The following CPA6 variants were observed in gnomAD, a reference collection of about 807,000 sequenced individuals.
CPA6 encodes the protein carboxypeptidase B.
In CPA6, 58 loss-of-function variants were observed where a neutral mutation model predicts 63.3. The ratio of observed to expected loss-of-function variants is 0.92; its 90% confidence interval spans 0.74 to 1.14. The LOEUF is 1.14. Among genes scored for constraint, CPA6 ranks in the 50% most tolerant of loss-of-function variants. CPA6 has a pLI of 0.00. For synonymous variants in CPA6, 185 were observed against 179.0 expected (o/e 1.03, Z -0.27); for missense variants, 565 against 526.6 (o/e 1.07, Z -0.71).
chr8:67,496,519 T>TTATATATATATA (rs1163959938), intron 6 of CPA6, among the ~76,000 whole-genome samples: 17 of 94,116 alleles, frequency 1.8e-4, no homozygotes, highest in South Asian at 7.4e-4. Flanking sequence ...ACTATATAGT[T>TTATATATATATA]TATATATATA....
intron 2 of CPA6, among the ~76,000 whole-genome samples, chr8:67,541,529 C>T (rs1034556877): frequency 2.6e-5 from 4 of 152,100 alleles, no homozygotes; most frequent in African/African-American, 9.7e-5. Context: ...CCCCTGCTTG[C>T]TCAATCGATC....
intron 1 of CPA6, among the ~76,000 whole-genome samples, chr8:67,667,545 G>C (rs1816257157): frequency 6.6e-6 from 1 of 152,068 alleles, no homozygotes; most frequent in Non-Finnish European, 1.5e-5. Flanking sequence ...TTAAAGCTTA[G>C]AGGACTTTGG....
At chr8:67,611,800 G>A (rs1814813155) in intron 2 of CPA6, among the ~76,000 whole-genome samples, 1 of 152,096 alleles carries the variant, frequency 6.6e-6, no homozygotes, top group Admixed American at 6.5e-5. Flanking sequence ...CAAAGCAAGA[G>A]GCCAGCCCTA....
intron 1 of CPA6, among the ~76,000 whole-genome samples, chr8:67,643,006 G>A (rs1387540174): frequency 3.3e-5 from 5 of 151,946 alleles, no homozygotes; most frequent in Non-Finnish European, 1.5e-5. Context: ...ATTCCATAAA[G>A]TCAAAAGGCA....
chr8:67,717,822 A>G (rs1167508480), intron 1 of CPA6, among the ~76,000 whole-genome samples: 1 of 152,180 alleles, frequency 6.6e-6, no homozygotes, highest in South Asian at 2.1e-4. Flanking sequence ...GGGCAATAGG[A>G]CCATGGAGGA....
At chr8:67,484,156 G>A (rs1438174521) in intron 7 of CPA6, among the ~76,000 whole-genome samples, 1 of 151,478 alleles carries the variant, frequency 6.6e-6, no homozygotes, top group Non-Finnish European at 1.5e-5. Context: ...TGCAAGTTCC[G>A]CCTCCCGGGT....
At chr8:67,513,370 G>C (rs1031921954) in intron 3 of CPA6, among the ~76,000 whole-genome samples, 1 of 152,174 alleles carries the variant, frequency 6.6e-6, no homozygotes, top group African/African-American at 2.4e-5. Flanking sequence ...ATACGAGTTT[G>C]ACTAGGGCTG....
chr8:67,708,083 TGAG>T (rs1817175191), intron 1 of CPA6, among the ~76,000 whole-genome samples: 1 of 152,180 alleles, frequency 6.6e-6, no homozygotes, highest in Admixed American at 6.5e-5. Context: ...TGGGACCTCA[TGAG>T]GAGAGGAATT....
At chr8:67,636,131 G>A (rs1815463529) in intron 1 of CPA6, among the ~76,000 whole-genome samples, 2 of 151,496 alleles carry the variant, frequency 1.3e-5, no homozygotes, top group South Asian at 4.1e-4. Context: ...AGATTTAAGG[G>A]AAGGATTATT....
intron 10 of CPA6, among the ~76,000 whole-genome samples, chr8:67,426,571 A>G (rs1809890248): frequency 6.6e-6 from 1 of 152,200 alleles, no homozygotes; most frequent in Non-Finnish European, 1.5e-5. Context: ...TTATTAGAAT[A>G]AACTTATTTG....
At chr8:67,475,870 T>TCTC (rs1402853259) in intron 8 of CPA6, among the ~76,000 whole-genome samples, 82 of 92,126 alleles carry the variant, frequency 8.9e-4, no homozygotes, top group South Asian at 2.7e-3. Context: ...TTTCTTTCTT[T>TCTC]CTTTCTTTCT....
intron 1 of CPA6, among the ~76,000 whole-genome samples, chr8:67,648,598 A>G (rs1455914245): frequency 6.6e-6 from 1 of 152,226 alleles, no homozygotes; most frequent in Admixed American, 6.5e-5. Flanking sequence ...AAGCCAATAC[A>G]GGGTCTGCCA....
chr8:67,579,949 T>A (rs1813724934), intron 2 of CPA6, among the ~76,000 whole-genome samples: 1 of 152,206 alleles, frequency 6.6e-6, no homozygotes, highest in African/African-American at 2.4e-5. Context: ...ACCCTCTTTT[T>A]TTTATTTAGA....
chr8:67,458,250 G>A (rs906769946), intron 8 of CPA6, among the ~76,000 whole-genome samples: 1 of 152,144 alleles, frequency 6.6e-6, no homozygotes, highest in African/African-American at 2.4e-5. Context: ...AGGTTGGAGT[G>A]CAGTGGTGCA....
chr8:67,663,815 A>G lies in CPA6; in HGVS notation c.117-39564T>C, dbSNP rs111426809. Among the ~76,000 whole-genome samples, 759 of 152,240 alleles carry G rather than the reference A, an allele frequency of 5.0e-3. 7 individuals carry two copies. Among genetic ancestry groups the G allele is most frequent in the African/African-American group, 0.016 (644 of 41,530 alleles). On this transcript the variant is annotated intron_variant, in intron 1 of 10. Transcript: ENST00000297770. ...TGATTCCACATCTTTGCTATTGTGA[A>G]TAGGCAAGCACAAATTTTATGGACA...
chr8:67,537,777 T>G (rs1486333584), intron 2 of CPA6, among the ~76,000 whole-genome samples: 2 of 152,208 alleles, frequency 1.3e-5, no homozygotes, highest in African/African-American at 4.8e-5. Flanking sequence ...AATTGTGATG[T>G]TAGGGTGTTG....
At chr8:67,673,381 T>TTATTA (rs368012210) in intron 1 of CPA6, among the ~76,000 whole-genome samples, 11,006 of 101,294 alleles carry the variant, frequency 0.11, 797 homozygotes, top group African/African-American at 0.24. Flanking sequence ...ATTATTATTA[T>TTATTA]TTATTTATTT....
intron 2 of CPA6, among the ~76,000 whole-genome samples, chr8:67,605,943 T>C (rs1417643284): frequency 6.6e-6 from 1 of 152,064 alleles, no homozygotes; most frequent in Non-Finnish European, 1.5e-5. Context: ...AACTCATCAC[T>C]TCTGCTTCCT....
chr8:67,486,999 G>C (rs1195657698), intron 6 of CPA6, among the ~76,000 whole-genome samples: 2 of 151,812 alleles, frequency 1.3e-5, no homozygotes, highest in African/African-American at 4.8e-5. Context: ...CCAAGTAGCT[G>C]GGACTTCAGG....
Sources: allele counts gnomAD v4.1 joint callset (sites outside exome capture counted in the v4.1 genomes callset), GRCh38; gene constraint gnomAD v4.1.1; transcripts MANE v1.5; gene names NCBI Gene and HGNC (gene_info 2026-07-23, HGNC 2026-07-21).